The following CIRSR variants were observed in gnomAD, a reference collection of about 807,000 sequenced individuals.
The protein encoded by CIRSR is corepressor of RBPJ and splicing regulator.
the CIRSR span, among the ~76,000 whole-genome samples, chr2:174,366,764 T>A: frequency 6.6e-6 from 1 of 152,164 alleles, no homozygotes; most frequent in African/African-American, 2.4e-5. Flanking sequence ...GGCAGCAATG[T>A]TATAAGGGAT....
At chr2:174,391,290 C>T in the CIRSR span, among the ~76,000 whole-genome samples, 1 of 152,030 alleles carries the variant, frequency 6.6e-6, no homozygotes, top group Non-Finnish European at 1.5e-5. Flanking sequence ...CAGGCAAAGG[C>T]CCAGAGATAT....
At chr2:174,390,709 A>G in the CIRSR span, among the ~76,000 whole-genome samples, 1 of 152,156 alleles carries the variant, frequency 6.6e-6, no homozygotes. Flanking sequence ...GAGGAACCCG[A>G]TGGGAGGTAA....
chr2:174,371,269 T>C, the CIRSR span, among the ~76,000 whole-genome samples: 10 of 152,316 alleles, frequency 6.6e-5, no homozygotes, highest in East Asian at 1.9e-3. Context: ...AATTGTATGG[T>C]ATGCAAATTA....
At chr2:174,380,752 A>G in the CIRSR span, 9 of 1,607,218 alleles carry the variant, frequency 5.6e-6, no homozygotes, top group South Asian at 5.5e-5. Context: ...TAATTTTTCC[A>G]TATAATACAA....
At chr2:174,381,757 C>T in the CIRSR span, 16 of 1,594,038 alleles carry the variant, frequency 1.0e-5, no homozygotes, top group East Asian at 1.4e-4. Flanking sequence ...ATTCTTTACA[C>T]GTTCATCTCC....
the CIRSR span, among the ~76,000 whole-genome samples, chr2:174,394,984 A>G: frequency 2.6e-5 from 4 of 152,262 alleles, no homozygotes; most frequent in Admixed American, 6.5e-5. Context: ...GACTGCTCGA[A>G]TAACTAGAAT....
At chr2:174,390,153 GA>G in the CIRSR span, among the ~76,000 whole-genome samples, 6 of 152,214 alleles carry the variant, frequency 3.9e-5, no homozygotes. Flanking sequence ...CATGTGCCTG[GA>G]AAAGCCACAG....
chr2:174,378,898 G>C, the CIRSR span: 3 of 1,499,262 alleles, frequency 2.0e-6, no homozygotes, highest in Admixed American at 5.0e-5. Context: ...GTCCTCTCCC[G>C]AAACAAATCA....
the CIRSR span, chr2:174,351,706 C>G: frequency 6.2e-7 from 1 of 1,613,030 alleles, no homozygotes; most frequent in South Asian, 1.1e-5. Flanking sequence ...CTATTAGCTC[C>G]GAGGGGTGCA....
chr2:174,372,112 A>G, the CIRSR span, among the ~76,000 whole-genome samples: 1 of 152,198 alleles, frequency 6.6e-6, no homozygotes, highest in African/African-American at 2.4e-5. Context: ...AAGAGTTTCT[A>G]TTAGCTTTAG....
chr2:174,387,647 G>T, the CIRSR span: 4 of 1,541,476 alleles, frequency 2.6e-6, no homozygotes, highest in Non-Finnish European at 3.5e-6. Context: ...CCATGAAATT[G>T]ATAATTCTAG....
the CIRSR span, chr2:174,349,062 G>A: frequency 1.9e-6 from 3 of 1,585,370 alleles, no homozygotes; most frequent in South Asian, 2.3e-5. Context: ...GGAGGAGGAG[G>A]AAGATGAGGA....
chr2:174,381,145 T>C, the CIRSR span, among the ~76,000 whole-genome samples: 3 of 152,222 alleles, frequency 2.0e-5, no homozygotes, highest in African/African-American at 7.2e-5. Flanking sequence ...AGAATAAGTG[T>C]ACTTTGGACA....
the CIRSR span, among the ~76,000 whole-genome samples, chr2:174,357,462 C>G: frequency 6.6e-6 from 1 of 152,140 alleles, no homozygotes; most frequent in Non-Finnish European, 1.5e-5. Context: ...TAATCACTTT[C>G]CCATGTATTT....
the CIRSR span, chr2:174,379,090 C>A: frequency 1.6e-6 from 2 of 1,277,388 alleles, no homozygotes; most frequent in Middle Eastern, 1.8e-4. Context: ...AAGAATCTAA[C>A]CAATGTTCAA....
the CIRSR span, among the ~76,000 whole-genome samples, chr2:174,376,794 T>C: frequency 9.8e-6 from 1 of 102,014 alleles, no homozygotes; most frequent in African/African-American, 4.0e-5. Context: ...CGAGACTCTG[T>C]CTCAGGGAAA....
the CIRSR span, among the ~76,000 whole-genome samples, chr2:174,386,965 T>C: frequency 6.6e-6 from 1 of 152,338 alleles, no homozygotes; most frequent in African/African-American, 2.4e-5. Flanking sequence ...TAATACCACT[T>C]ATTGCCATGC....
chr2:174,368,440 C>T, the CIRSR span, among the ~76,000 whole-genome samples: 1 of 152,108 alleles, frequency 6.6e-6, no homozygotes, highest in Non-Finnish European at 1.5e-5. Context: ...TCCCCAAATA[C>T]TTAGAGATCT....
the CIRSR span, among the ~76,000 whole-genome samples, chr2:174,378,359 T>TA: frequency 1.3e-5 from 2 of 152,228 alleles, no homozygotes; most frequent in African/African-American, 2.4e-5. Flanking sequence ...AATAATATAC[T>TA]AACAAAGCAC....
Sources: allele counts gnomAD v4.1 joint callset (sites outside exome capture counted in the v4.1 genomes callset), GRCh38; gene constraint gnomAD v4.1.1; transcripts MANE v1.5; gene names NCBI Gene and HGNC (gene_info 2026-07-23, HGNC 2026-07-21).